The following SPINK8 variants were observed in gnomAD, a reference collection of about 807,000 sequenced individuals.
SPINK8 encodes the protein serine protease inhibitor Kazal-type 8.
A neutral mutation model predicts 14.4 loss-of-function variants in SPINK8; 12 were observed. The observed-to-expected ratio is 0.83, with a 90% CI of 0.53 to 1.35. The LOEUF (loss-of-function observed/expected upper bound fraction) is 1.35. Ranked by LOEUF, SPINK8 falls within the 40% of genes most tolerant of loss-of-function variation. The pLI, the probability that SPINK8 is intolerant of heterozygous loss-of-function variation, is 0.00. For missense variants in SPINK8, 103 were observed against 117.0 expected (o/e 0.88, Z 0.55); for synonymous variants, 32 against 37.6 (o/e 0.85, Z 0.55).
At chr3:48,311,515 C>T (rs1367821101) in intron 6 of SPINK8, among the ~76,000 whole-genome samples, 1 of 152,114 alleles carries the variant, frequency 6.6e-6, no homozygotes, top group Non-Finnish European at 1.5e-5. Flanking sequence ...ATAAAAATGA[C>T]TAAAGCTAAT....
At chr3:48,333,385 A>G (rs1236846191) in intron 1 of SPINK8, among the ~76,000 whole-genome samples, 150 bp downstream of exon 1, 1 of 151,908 alleles carries the variant, frequency 6.6e-6, no homozygotes, top group African/African-American at 2.4e-5. Context: ...GGAGGGGGGA[A>G]CGTTTAAAAA....
chr3:48,328,214 T>A, intron 4 of SPINK8, 61 bp downstream of exon 4: 1 of 1,385,852 alleles, frequency 7.2e-7, no homozygotes, highest in African/African-American at 1.4e-5. Context: ...CCATCTCTAA[T>A]CTTCCCATGA....
intron 7 of SPINK8, among the ~76,000 whole-genome samples, chr3:48,308,963 A>G (rs2035886506): frequency 6.6e-6 from 1 of 152,198 alleles, no homozygotes; most frequent in South Asian, 2.1e-4. Context: ...AAATTATGTG[A>G]GATCTTTTCA....
At position 48,309,947 on chromosome 3, in the gene SPINK8, C is replaced by G. The variant is rs1158068581; in HGVS notation, c.240-1G>C. Reference sequence around the variant, plus strand: ...TTTAGTTATGTTAAGCCCTTCAAATCTGAAAGAAATTATATTTTAAAATTA... The same window carrying G: ...TTTAGTTATGTTAAGCCCTTCAAATGTGAAAGAAATTATATTTTAAAATTA... On this transcript the variant is annotated splice_acceptor_variant, in intron 6 of 7. Transcript: ENST00000434006. LOFTEE classifies it high-confidence loss of function. 7.0e-7 allele frequency: 1 copy of G among 1,420,024 alleles called. No homozygotes were observed. Among genetic ancestry groups the G allele is most frequent in the Non-Finnish European group, 9.2e-7 (1 of 1,087,202 alleles). The allele number at this position is 1,420,024 out of a possible 1,614,324, so 88.0% of individuals were successfully genotyped here.
At chr3:48,327,699 G>C (rs539935692) in intron 4 of SPINK8, among the ~76,000 whole-genome samples, 3 of 152,256 alleles carry the variant, frequency 2.0e-5, no homozygotes, top group African/African-American at 4.8e-5. Flanking sequence ...TAAGATATGA[G>C]AGTCATGAAA....
intron 4 of SPINK8, among the ~76,000 whole-genome samples, chr3:48,326,740 C>T (rs749743487): frequency 2.6e-5 from 4 of 152,104 alleles, no homozygotes; most frequent in Non-Finnish European, 5.9e-5. Context: ...CAAACCATGT[C>T]TCTACTAAAA....
chr3:48,317,495 TA>T (rs201381833), intron 6 of SPINK8, among the ~76,000 whole-genome samples: 143 of 149,748 alleles, frequency 9.5e-4, no homozygotes, highest in African/African-American at 2.0e-3. Flanking sequence ...TCTCAAAAAA[TA>T]AAAAAAAAGG....
chr3:48,330,627 G>A (rs186383018), intron 2 of SPINK8, among the ~76,000 whole-genome samples: 216 of 152,124 alleles, frequency 1.4e-3, no homozygotes, highest in Non-Finnish European at 2.2e-3. Context: ...TTTATATCCC[G>A]ATCATTGTCC....
rs1272365901 is a variant in SPINK8, at chr3:48,319,590, C to CACTTATTT, written c.138_145dup (p.Cys49Ter). 2 of 1,613,930 alleles carry CACTTATTT rather than the reference C, an allele frequency of 1.2e-6. No homozygotes were observed. Among genetic ancestry groups the CACTTATTT allele is most frequent in the Non-Finnish European group, 8.5e-7 (1 of 1,179,862 alleles). ...GGGCTTGATGTAGGATAAAAACCAG[C>CACTTATTT]ACTTATTTACATTCTTGAGGCATTC... On this transcript the variant is annotated stop_gained and frameshift_variant, in exon 6 of 8. Transcript: ENST00000434006. LOFTEE classifies it high-confidence loss of function.
chr3:48,328,484 TTG>T (rs1278006627), intron 3 of SPINK8, 130 bp from the exon 4 acceptor site: 2 of 526,132 alleles, frequency 3.8e-6, no homozygotes, highest in African/African-American at 3.9e-5. Flanking sequence ...TTGGAATGAA[TTG>T]TGTCTGATGC....
chr3:48,308,067 G>A (rs998011606), intron 7 of SPINK8, among the ~76,000 whole-genome samples: 2 of 140,992 alleles, frequency 1.4e-5, no homozygotes, highest in African/African-American at 5.3e-5. Context: ...TCCACCTCCC[G>A]GGTTCATGCC....
chr3:48,311,074 G>A (rs1382546611), intron 6 of SPINK8, among the ~76,000 whole-genome samples: 3 of 139,790 alleles, frequency 2.1e-5, no homozygotes, highest in African/African-American at 5.1e-5. Context: ...AATTCAGAGC[G>A]TTTCAAAAAA....
Position 48,307,969 on chromosome 3 carries a change from T to TC in SPINK8, c.283-967_283-966insG, listed in dbSNP as rs2035871976. Among the ~76,000 whole-genome samples the TC allele has an allele frequency of 2.6e-5, 3 of 115,310 alleles. No individual in the cohort carries two copies. The South Asian group carries it at 8.9e-4, about 34-fold the overall frequency. 75.6% of individuals were successfully genotyped at this position (115,310 alleles called of 152,430 possible). On this transcript the variant is annotated intron_variant, in intron 7 of 7. Transcript: ENST00000434006. ...TGACTTCAGTCTGCATTCTTTTTTT[T>TC]TTTTTTTTTTTTTTTTTTTTTTGAG...
intron 6 of SPINK8, among the ~76,000 whole-genome samples, chr3:48,315,720 CA>C (rs66504818): frequency 0.018 from 390 of 21,908 alleles, no homozygotes; most frequent in Non-Finnish European, 0.029. Flanking sequence ...GACTCCATCT[CA>C]AAAAAAAAAA....
At chr3:48,317,628 G>T (rs2036010960) in intron 6 of SPINK8, among the ~76,000 whole-genome samples, 1 of 151,912 alleles carries the variant, frequency 6.6e-6, no homozygotes, top group Non-Finnish European at 1.5e-5. Context: ...CCATTCTCCT[G>T]CCTGAGCCTC....
In SPINK8 at chr3:48,319,561, C is replaced by T. The variant is rs776446677; in HGVS notation, c.175G>A (p.Glu59Lys). The T allele has an allele frequency of 6.2e-7, 1 of 1,613,864 alleles. No homozygotes were observed. The highest frequency in any genetic ancestry group is 8.5e-7 in the Non-Finnish European group (1 of 1,179,884). ...CWFLSYIKPSEPICGSDQVTY... is the reference protein window; with the variant it reads ...CWFLSYIKPSKPICGSDQVTY... ...ACCTGGTCACTGCCACAAATAGGTT[C>T]ACTGGGCTTGATGTAGGATAAAAAC... Residue 59 changes from glutamate (E) to lysine (K), a missense_variant, in exon 6 of 8, where the codon GAA becomes AAA. Coordinates refer to ENST00000434006, the MANE Select transcript of SPINK8 (RefSeq NM_001080525.3).
At chr3:48,322,946 A>G (rs1004001012) in intron 4 of SPINK8, among the ~76,000 whole-genome samples, 1 of 152,180 alleles carries the variant, frequency 6.6e-6, no homozygotes, top group Non-Finnish European at 1.5e-5. Flanking sequence ...AAGTATATAC[A>G]AAGTGTGGAA....
At chr3:48,315,473 C>A (rs1055114742) in intron 6 of SPINK8, among the ~76,000 whole-genome samples, 2 of 152,016 alleles carry the variant, frequency 1.3e-5, no homozygotes, top group Non-Finnish European at 2.9e-5. Flanking sequence ...GTAATCCTAA[C>A]ACTTTGGGAG....
At chr3:48,312,996 C>CAAAAAAAAAAAAAAAAAA (rs57016387) in intron 6 of SPINK8, among the ~76,000 whole-genome samples, 2 of 122,002 alleles carry the variant, frequency 1.6e-5, no homozygotes. Context: ...GACTCTGTCT[C>CAAAAAAAAAAAAAAAAAA]AAAAAAAAAA....
Sources: allele counts gnomAD v4.1 joint callset (sites outside exome capture counted in the v4.1 genomes callset), GRCh38; gene constraint gnomAD v4.1.1; transcripts MANE v1.5; gene names NCBI Gene and HGNC (gene_info 2026-07-23, HGNC 2026-07-21).